Variants in RBFOX1 observed in about 807,000 individuals in gnomAD.
RBFOX1 encodes the protein RNA binding protein fox-1 homolog 1.
A neutral mutation model predicts 57.7 loss-of-function variants in RBFOX1; 8 were observed. The observed-to-expected ratio is 0.14, with a 90% CI of 0.08 to 0.25. The LOEUF (loss-of-function observed/expected upper bound fraction) is 0.25. Among genes scored for constraint, RBFOX1 ranks in the 10% least tolerant of loss-of-function variants. RBFOX1 has a pLI of 1.00. For missense variants in RBFOX1, 611 were observed against 548.5 expected, an observed-to-expected ratio of 1.11 and a Z score of -1.14; for synonymous variants, 326 against 222.4, an observed-to-expected ratio of 1.47 and a Z score of -4.15.
At chr16:5,626,916 C>T (rs2048365619) in intron 3 of RBFOX1, among the ~76,000 whole-genome samples, 1 of 152,128 alleles carries the variant, frequency 6.6e-6, no homozygotes, top group Admixed American at 6.5e-5. Flanking sequence ...CCCTTAACAA[C>T]TGAACATCTA....
intron 3 of RBFOX1, among the ~76,000 whole-genome samples, chr16:6,968,187 G>C (rs150838225): frequency 2.8e-3 from 421 of 152,282 alleles, no homozygotes; most frequent in African/African-American, 6.9e-3. Flanking sequence ...GTGTCCTTTA[G>C]CTCTCTTTTC....
chr16:6,654,460 G>C lies in RBFOX1; in HGVS notation c.-63-143G>C, dbSNP rs866115885. 2.4e-5 allele frequency: 15 copies of C among 635,306 alleles called. No individual in the cohort carries two copies. The Middle Eastern group carries it at 2.5e-3, about 107-fold the overall frequency. 39.4% of individuals were successfully genotyped at this position (635,306 alleles called of 1,614,324 possible). Reference sequence around the variant, plus strand: ...GTACCTTTAAAAAGCACTATAAAGAGCAATGACTCGAGAAAGAACTATTAG... The same window carrying C: ...GTACCTTTAAAAAGCACTATAAAGACCAATGACTCGAGAAAGAACTATTAG... On this transcript the variant is annotated intron_variant, in intron 2 of 15. Transcript: ENST00000550418.
intron 4 of RBFOX1, among the ~76,000 whole-genome samples, chr16:7,112,378 ATT>A (rs5815373): frequency 0.018 from 2,528 of 139,338 alleles, 63 homozygotes; most frequent in African/African-American, 0.062. Context: ...AATTTTTTGT[ATT>A]TTTTTTTTTT....
chr16:7,665,423 C>G (rs918695928), intron 13 of RBFOX1, among the ~76,000 whole-genome samples: 2 of 152,160 alleles, frequency 1.3e-5, no homozygotes, highest in African/African-American at 4.8e-5. Context: ...AACACTCTTT[C>G]TCTCTCTAGA....
intron 4 of RBFOX1, among the ~76,000 whole-genome samples, chr16:7,501,501 C>A (rs766180596): frequency 1.3e-5 from 2 of 152,184 alleles, no homozygotes; most frequent in African/African-American, 2.4e-5. Context: ...AGACATAGGT[C>A]TCTGCTTTTG....
chr16:7,165,761 C>G (rs937476706), intron 4 of RBFOX1, among the ~76,000 whole-genome samples: 1 of 151,996 alleles, frequency 6.6e-6, no homozygotes, highest in African/African-American at 2.4e-5. Context: ...TAACTTTGTT[C>G]TCCAATTCTT....
At chr16:5,764,990 G>A (rs959630433) in intron 3 of RBFOX1, among the ~76,000 whole-genome samples, 8 of 152,264 alleles carry the variant, frequency 5.3e-5, no homozygotes, top group African/African-American at 1.9e-4. Context: ...GGCTGCAGGT[G>A]CTAGACCAAG....
intron 2 of RBFOX1, among the ~76,000 whole-genome samples, chr16:6,486,041 A>C (rs900846541): frequency 1.5e-5 from 2 of 136,528 alleles, no homozygotes; most frequent in African/African-American, 5.5e-5. Context: ...TCTCTCTACT[A>C]GGAGTATGAT....
At chr16:6,790,547 A>C (rs1245681300) in intron 3 of RBFOX1, among the ~76,000 whole-genome samples, 1 of 151,964 alleles carries the variant, frequency 6.6e-6, no homozygotes, top group African/African-American at 2.4e-5. Flanking sequence ...CTCCTTTCCT[A>C]TTTAGCCTCT....
chr16:6,171,932 C>G lies in RBFOX1; in HGVS notation c.-126-145063C>G, dbSNP rs546616827. 2.0e-5 allele frequency among the ~76,000 whole-genome samples: 3 copies of G among 152,132 alleles called. No individual in the cohort carries two copies. In the East Asian group the frequency reaches 5.8e-4, roughly 29 times the overall value. On this transcript the variant is annotated intron_variant, in intron 1 of 15. Transcript: ENST00000550418. Reference sequence around the variant, plus strand: ...TGCCTCCTGGGTTCAAGTGATTGTCCTGCCTCAGCCTCCTGAGTAGCTGGG... The same window carrying G: ...TGCCTCCTGGGTTCAAGTGATTGTCGTGCCTCAGCCTCCTGAGTAGCTGGG...
chr16:7,189,534 C>A (rs974773096), intron 4 of RBFOX1, among the ~76,000 whole-genome samples: 1 of 147,040 alleles, frequency 6.8e-6, no homozygotes, highest in Non-Finnish European at 1.5e-5. Flanking sequence ...GCCCCCACTC[C>A]AAAACACTAT....
intron 2 of RBFOX1, among the ~76,000 whole-genome samples, chr16:6,393,500 A>G (rs1459730586): frequency 6.6e-6 from 1 of 152,140 alleles, no homozygotes; most frequent in Non-Finnish European, 1.5e-5. Context: ...ATGGAACAGG[A>G]AATCTTTCTT....
intron 3 of RBFOX1, among the ~76,000 whole-genome samples, chr16:5,817,327 C>T (rs868126203): frequency 1.3e-5 from 2 of 152,166 alleles, no homozygotes; most frequent in Non-Finnish European, 2.9e-5. Context: ...CTTCTTAAAG[C>T]GAGCTTGCTG....
chr16:6,198,107 G>T (rs2097192395), intron 1 of RBFOX1, among the ~76,000 whole-genome samples: 1 of 152,140 alleles, frequency 6.6e-6, no homozygotes, highest in African/African-American at 2.4e-5. Flanking sequence ...CTGGTCCTGT[G>T]CATTTCAGAC....
chr16:6,336,907 C>G, intron 2 of RBFOX1, among the ~76,000 whole-genome samples: 1 of 152,138 alleles, frequency 6.6e-6, no homozygotes, highest in East Asian at 1.9e-4. Flanking sequence ...TTATCATATT[C>G]AAGAAATATC....
chr16:5,651,532 C>A (rs1421455597), intron 3 of RBFOX1, among the ~76,000 whole-genome samples: 1 of 152,154 alleles, frequency 6.6e-6, no homozygotes, highest in African/African-American at 2.4e-5. Context: ...TCAGGTTTCA[C>A]CCTCCCAGGG....
At chr16:6,983,384 G>C (rs1313660041) in intron 3 of RBFOX1, among the ~76,000 whole-genome samples, 5 of 151,778 alleles carry the variant, frequency 3.3e-5, no homozygotes, top group Admixed American at 1.3e-4. Flanking sequence ...AAAAAGCTAG[G>C]GTGGGAGAAT....
At chr16:7,540,649 G>C (rs537116183) in intron 5 of RBFOX1, among the ~76,000 whole-genome samples, 2 of 152,284 alleles carry the variant, frequency 1.3e-5, no homozygotes, top group East Asian at 3.9e-4. Flanking sequence ...ACCTGCTCAT[G>C]ATAGTCATGA....
intron 14 of RBFOX1, among the ~76,000 whole-genome samples, chr16:7,705,641 A>G (rs1467808080): frequency 1.2e-4 from 18 of 152,250 alleles, no homozygotes; most frequent in Admixed American, 9.2e-4. Context: ...AAACTATTGA[A>G]GGGTTTTAAG....
Sources: gnomAD v4.1 joint callset for allele counts (sites outside exome capture counted in the v4.1 genomes callset) on GRCh38, gnomAD v4.1.1 for gene constraint, MANE v1.5 for transcripts, NCBI Gene and HGNC (gene_info 2026-07-23, HGNC 2026-07-21) for gene names.